ADGRG1: variants seen among roughly 807,000 people sequenced by gnomAD.
ADGRG1 encodes the protein adhesion G protein-coupled receptor G1, also known as 7-transmembrane protein with no EGF-like N-terminal domains-1.
Under a neutral mutation model 73.5 loss-of-function variants are expected in ADGRG1, and 53 were observed. That is an observed-to-expected ratio of 0.72 (90% confidence interval 0.58 to 0.91). The LOEUF (loss-of-function observed/expected upper bound fraction) is 0.91, where lower values mean the gene tolerates loss of function less well. Ranked by LOEUF, ADGRG1 falls within the 40% of genes least tolerant of loss-of-function variation. The probability of loss-of-function intolerance (pLI) is 0.00; values close to 1 mark genes in which losing one functional copy is unlikely to be tolerated. For synonymous variants in ADGRG1, 394 were observed against 374.4 expected (o/e 1.05, Z -0.60); for missense variants, 795 against 871.8 (o/e 0.91, Z 1.11).
intron 1 of ADGRG1, chr16:57,633,280 A>G: frequency 4.1e-6 from 4 of 975,754 alleles, no homozygotes; most frequent in Non-Finnish European, 3.7e-6. Context: ...CTGGAGGTTT[A>G]ATCTTCCAGG....
At chr16:57,626,904 T>C (rs1473096202), upstream of ADGRG1, 1 of 985,138 alleles carries the variant, frequency 1.0e-6, no homozygotes, top group Non-Finnish European at 1.2e-6. Context: ...CCCTTGTTAG[T>C]GGGCCCCCAG....
At chr16:57,634,333 C>T in intron 1 of ADGRG1, 4 of 985,378 alleles carry the variant, frequency 4.1e-6, no homozygotes, top group Non-Finnish European at 4.8e-6. Flanking sequence ...GCCCAAGGGG[C>T]TGGCAGGGGC....
At chr16:57,634,887 T>C in intron 1 of ADGRG1, 1 of 841,062 alleles carries the variant, frequency 1.2e-6, no homozygotes, top group East Asian at 1.2e-4. Flanking sequence ...GGGCAGGTGG[T>C]GCCTCTATCT....
At chr16:57,660,458 G>T (rs1179232763) in intron 11 of ADGRG1, 1 of 878,784 alleles carries the variant, frequency 1.1e-6, no homozygotes, top group East Asian at 1.2e-4. Context: ...TAAACTGTCT[G>T]CCCCTCCCAT....
At chr16:57,646,801 G>T in intron 1 of ADGRG1, 1 of 836,312 alleles carries the variant, frequency 1.2e-6, no homozygotes, top group Non-Finnish European at 1.4e-6. Context: ...CGTATCACAG[G>T]GTGGTTCTGA....
At chr16:57,653,630 G>A (rs1479058212) in intron 4 of ADGRG1, 5 of 969,958 alleles carry the variant, frequency 5.2e-6, no homozygotes, top group Non-Finnish European at 6.1e-6. Flanking sequence ...AGACGGCAGA[G>A]CCGCTCCAAG....
rs1456517098 is a variant in ADGRG1 at position 57,651,589 on chromosome 16, C to T, written c.454C>T (p.Pro152Ser). Residue 152 changes from proline to serine, a missense_variant, in exon 3 of 14, where the codon CCC (proline) becomes TCC (serine). Transcript: ENST00000562631. ...SWWSPQNISL[P>S]SAASFTFSFH... is the part of the protein sequence containing the mutation. ...GTGGAGCCCTCAGAACATCAGCCTG[C>T]CCAGTGCCGCCAGCTTCACCTTCTC... The T allele has an allele frequency of 3.1e-6, 5 of 1,613,846 alleles. No individual in the cohort carries two copies. The highest frequency in any genetic ancestry group is 4.2e-6 in the Non-Finnish European group (5 of 1,180,034).
chr16:57,643,735 C>T (rs1460389734), intron 1 of ADGRG1: 1 of 984,518 alleles, frequency 1.0e-6, no homozygotes, highest in Non-Finnish European at 1.2e-6. Flanking sequence ...TGCCAGTGAT[C>T]CTGGAATACC....
intron 5 of ADGRG1, 151 bp from the exon 6 acceptor site, chr16:57,655,248 G>A (rs2045390492): frequency 1.9e-6 from 3 of 1,553,668 alleles, no homozygotes; most frequent in Non-Finnish European, 1.7e-6. Context: ...GGGATGAGGA[G>A]GGCTGTCATG....
chr16:57,636,053 C>T (rs1218705534), intron 1 of ADGRG1: 16 of 985,292 alleles, frequency 1.6e-5, no homozygotes, highest in Non-Finnish European at 1.9e-5. Context: ...TGGCCATAGG[C>T]ACGTGCCCTT....
chr16:57,663,690 G>A lies in ADGRG1; in HGVS notation c.*108G>A, dbSNP rs113439449. The A allele has an allele frequency of 1.5e-3, 2,004 of 1,312,632 alleles. 20 individuals are homozygous for A. In the African/African-American group the frequency reaches 0.025, roughly 16 times the overall value. 81.3% of individuals were successfully genotyped at this position (1,312,632 alleles called of 1,614,324 possible). ...CCCAGGCCAGTCAGCCGCAGACTTTGGAAAGCCCAACGACCATGGAGAGAT... is the reference window on the plus strand; with the variant it reads ...CCCAGGCCAGTCAGCCGCAGACTTTAGAAAGCCCAACGACCATGGAGAGAT... On this transcript the variant is annotated 3_prime_UTR_variant, in exon 14 of 14. Transcript: ENST00000562631.
chr16:57,624,226 G>A (rs557143864), upstream of ADGRG1: 64 of 949,678 alleles, frequency 6.7e-5, no homozygotes, highest in South Asian at 9.2e-4. Flanking sequence ...GAGGCTGGGC[G>A]CAGTGGCTCA....
chr16:57,628,550 A>G, upstream of ADGRG1: 1 of 985,494 alleles, frequency 1.0e-6, no homozygotes, highest in Non-Finnish European at 1.2e-6. Flanking sequence ...TCCCCAGTCA[A>G]GCTCAGGGAG....
chr16:57,626,052 A>G (rs557518975), upstream of ADGRG1, among the ~76,000 whole-genome samples: 191 of 152,226 alleles, frequency 1.3e-3, no homozygotes, highest in Admixed American at 2.3e-3. Flanking sequence ...CCTTCTGTAA[A>G]GTGGGGATAG....
At chr16:57,660,380 C>T in intron 11 of ADGRG1, 1 of 985,136 alleles carries the variant, frequency 1.0e-6, no homozygotes, top group Non-Finnish European at 1.2e-6. Context: ...CTTCTAATCT[C>T]CACCGAACGG....
intron 1 of ADGRG1, chr16:57,634,279 T>C: frequency 1.0e-6 from 1 of 985,374 alleles, no homozygotes; most frequent in African/African-American, 1.7e-5. Flanking sequence ...GTCAGACAAC[T>C]GCCCAGACCC....
chr16:57,644,106 C>A, intron 1 of ADGRG1: 1 of 985,038 alleles, frequency 1.0e-6, no homozygotes, highest in Non-Finnish European at 1.2e-6. Flanking sequence ...TTGCACTGTG[C>A]CCCGCCCTCC....
At chr16:57,629,991 C>T in intron 1 of ADGRG1, 2 of 985,244 alleles carry the variant, frequency 2.0e-6, no homozygotes, top group East Asian at 1.1e-4. Context: ...CAGTTGTAGC[C>T]TGGGGTCCAC....
intron 1 of ADGRG1, chr16:57,635,844 T>C (rs1396006258): frequency 2.0e-6 from 2 of 985,022 alleles, no homozygotes; most frequent in Non-Finnish European, 2.4e-6. Flanking sequence ...AAGCTCCGTG[T>C]CCCTGTGTCC....
Sources: allele counts gnomAD v4.1 joint callset (sites outside exome capture counted in the v4.1 genomes callset), GRCh38; gene constraint gnomAD v4.1.1; transcripts MANE v1.5; gene names NCBI Gene and HGNC (gene_info 2026-07-23, HGNC 2026-07-21).